ARHGAP26: variants seen among roughly 807,000 people sequenced by gnomAD.
ARHGAP26 encodes the protein rho GTPase-activating protein 26.
A neutral mutation model predicts 104.8 loss-of-function variants in ARHGAP26; 38 were observed. The observed-to-expected ratio is 0.36, with a 90% CI of 0.28 to 0.48. ARHGAP26 has a LOEUF of 0.48. Among genes scored for constraint, ARHGAP26 ranks in the 20% least tolerant of loss-of-function variants. ARHGAP26 has a pLI of 0.99. For missense variants in ARHGAP26, 704 were observed against 947.9 expected (o/e 0.74, Z 3.38); for synonymous variants, 341 against 340.0 (o/e 1.00, Z -0.03).
At chr5:142,872,854 G>A (rs1039935055) in intron 1 of ARHGAP26, among the ~76,000 whole-genome samples, 19 of 152,294 alleles carry the variant, frequency 1.2e-4, no homozygotes, top group Admixed American at 5.9e-4. Flanking sequence ...CCTGGGCCTC[G>A]CCTGTGCTTG....
chr5:143,101,707 CCT>C (rs1304804431), intron 17 of ARHGAP26, among the ~76,000 whole-genome samples: 1 of 152,014 alleles, frequency 6.6e-6, no homozygotes, highest in Non-Finnish European at 1.5e-5. Context: ...TTCCTACCTC[CCT>C]CTCTCTGGGA....
chr5:143,200,509 T>C (rs907357101), intron 20 of ARHGAP26, among the ~76,000 whole-genome samples: 2 of 151,998 alleles, frequency 1.3e-5, no homozygotes, highest in African/African-American at 4.8e-5. Flanking sequence ...TTTAAAAATA[T>C]GTTATCAAAG....
At chr5:143,192,753 A>G (rs746796471) in intron 20 of ARHGAP26, 3 of 152,214 alleles carry the variant, frequency 2.0e-5, no homozygotes, top group Non-Finnish European at 4.4e-5. Context: ...GGGAAGTCTC[A>G]TGGTGGATCT....
At chr5:142,873,629 G>A (rs2152359694) in intron 2 of ARHGAP26, 134 bp downstream of exon 2, 1 of 581,216 alleles carries the variant, frequency 1.7e-6, no homozygotes, top group Non-Finnish European at 2.8e-6. Context: ...GAAGTGGAGG[G>A]CCAGAGATAT....
At chr5:143,112,430 C>T (rs1303512822) in intron 17 of ARHGAP26, among the ~76,000 whole-genome samples, 1 of 151,580 alleles carries the variant, frequency 6.6e-6, no homozygotes, top group Admixed American at 6.6e-5. Flanking sequence ...GGTCCTTTGC[C>T]AAGGGTTTTC....
At chr5:142,971,505 G>A (rs760286591) in intron 11 of ARHGAP26, among the ~76,000 whole-genome samples, 5 of 152,150 alleles carry the variant, frequency 3.3e-5, no homozygotes, top group African/African-American at 9.7e-5. Context: ...AATTAGCAGC[G>A]CTGCAGGAAG....
intron 1 of ARHGAP26, among the ~76,000 whole-genome samples, chr5:142,796,054 CTG>C (rs71890315): frequency 0.027 from 3,907 of 143,520 alleles, 75 homozygotes; most frequent in Admixed American, 0.066. Flanking sequence ...AGGTGTTTTT[CTG>C]TGTGTGTGTG....
intron 3 of ARHGAP26, among the ~76,000 whole-genome samples, chr5:142,876,213 C>T (rs931811198): frequency 4.6e-5 from 7 of 152,188 alleles, no homozygotes; most frequent in Non-Finnish European, 1.0e-4. Flanking sequence ...CTTCAGGCAG[C>T]AGTGCTCTAA....
chr5:142,993,712 G>A (rs1235404470), intron 11 of ARHGAP26, among the ~76,000 whole-genome samples: 1 of 152,130 alleles, frequency 6.6e-6, no homozygotes, highest in East Asian at 1.9e-4. Flanking sequence ...CATGATCACA[G>A]CACATTGCAG....
At chr5:143,145,783 TTC>T (rs1799079714) in intron 19 of ARHGAP26, among the ~76,000 whole-genome samples, 2 of 152,232 alleles carry the variant, frequency 1.3e-5, no homozygotes, top group Admixed American at 1.3e-4. Context: ...CACAGGGTTT[TTC>T]TCTCTCCTGT....
chr5:143,096,570 T>C (rs1399582761), intron 17 of ARHGAP26, among the ~76,000 whole-genome samples: 1 of 152,248 alleles, frequency 6.6e-6, no homozygotes, highest in Non-Finnish European at 1.5e-5. Context: ...AACTTCAGTA[T>C]GCAGCAGAGG....
chr5:142,953,794 T>G (rs1037099983), intron 11 of ARHGAP26, among the ~76,000 whole-genome samples: 1 of 152,234 alleles, frequency 6.6e-6, no homozygotes, highest in Non-Finnish European at 1.5e-5. Context: ...TGACTTGGTA[T>G]TACCTCTGCC....
In ARHGAP26 at chr5:143,228,713, C is replaced by T. The variant is rs1022102304; in HGVS notation, c.*6267C>T. 2 of 204,912 alleles carry T rather than the reference C, an allele frequency of 9.8e-6. No individual in the cohort carries two copies. Among genetic ancestry groups the T allele is most frequent in the South Asian group, 1.9e-4 (1 of 5,270 alleles). 12.7% of individuals were successfully genotyped at this position (204,912 alleles called of 1,614,324 possible). ...ACTTTAATGTTTTCTTTTAAAATAA[C>T]GCACTGTTCTAAACTTCAGTATTGA... On this transcript the variant is annotated 3_prime_UTR_variant, in exon 23 of 23. Coordinates refer to ENST00000645722, the MANE Select transcript of ARHGAP26 (RefSeq NM_001135608.3).
chr5:143,082,889 G>C (rs558525202), intron 17 of ARHGAP26, among the ~76,000 whole-genome samples: 1 of 152,140 alleles, frequency 6.6e-6, no homozygotes, highest in African/African-American at 2.4e-5. Flanking sequence ...AGAACGTCAC[G>C]GGTTTTTGAG....
intron 14 of ARHGAP26, among the ~76,000 whole-genome samples, chr5:143,047,527 C>T (rs1784395212): frequency 1.3e-5 from 2 of 152,116 alleles, no homozygotes; most frequent in African/African-American, 4.8e-5. Context: ...AAGGTATGTA[C>T]GTGTTTTCAA....
intron 1 of ARHGAP26, among the ~76,000 whole-genome samples, chr5:142,834,514 A>C (rs1769165551): frequency 6.6e-6 from 1 of 152,230 alleles, no homozygotes; most frequent in South Asian, 2.1e-4. Flanking sequence ...CAAAGATGAC[A>C]ATAGTGTTTA....
chr5:143,177,845 G>C (rs1349907159), intron 20 of ARHGAP26, among the ~76,000 whole-genome samples: 1 of 152,066 alleles, frequency 6.6e-6, no homozygotes, highest in Non-Finnish European at 1.5e-5. Flanking sequence ...CCCAGCACTT[G>C]AGGGTGCTCT....
chr5:142,773,479 A>G (rs1449017772), intron 1 of ARHGAP26, among the ~76,000 whole-genome samples: 2 of 152,198 alleles, frequency 1.3e-5, no homozygotes, highest in African/African-American at 2.4e-5. Flanking sequence ...CATTGTTACT[A>G]TTACTTCCAC....
intron 20 of ARHGAP26, among the ~76,000 whole-genome samples, chr5:143,155,894 A>T (rs1228201606): frequency 6.6e-6 from 1 of 152,228 alleles, no homozygotes; most frequent in East Asian, 1.9e-4. Context: ...TTGGAGTTTA[A>T]TTAAAGGTAT....
Sources: allele counts gnomAD v4.1 joint callset (sites outside exome capture counted in the v4.1 genomes callset), GRCh38; gene constraint gnomAD v4.1.1; transcripts MANE v1.5; gene names NCBI Gene and HGNC (gene_info 2026-07-23, HGNC 2026-07-21).